HEMK2: variants seen among roughly 807,000 people sequenced by gnomAD.
HEMK2 encodes methyltransferase HEMK2.
At chr21:28,813,815 A>C in the HEMK2 span, among the ~76,000 whole-genome samples, 1 of 152,230 alleles carries the variant, frequency 6.6e-6, no homozygotes, top group Non-Finnish European at 1.5e-5. Context: ...TGACAAAAAC[A>C]AGCAATAGGA....
chr21:28,790,482 T>G, the HEMK2 span, among the ~76,000 whole-genome samples: 1 of 152,142 alleles, frequency 6.6e-6, no homozygotes, highest in Non-Finnish European at 1.5e-5. Context: ...TGGACATTGT[T>G]TGACTGTTTT....
chr21:28,737,907 G>A, the HEMK2 span, among the ~76,000 whole-genome samples: 1 of 152,298 alleles, frequency 6.6e-6, no homozygotes, highest in East Asian at 1.9e-4. Flanking sequence ...GATGACCTAC[G>A]AAGTAAAGAA....
chr21:28,782,809 C>A, the HEMK2 span, among the ~76,000 whole-genome samples: 1 of 152,158 alleles, frequency 6.6e-6, no homozygotes, highest in African/African-American at 2.4e-5. Flanking sequence ...TTGAATTGTA[C>A]ACTTTAAATT....
chr21:28,632,917 C>T, the HEMK2 span, among the ~76,000 whole-genome samples: 1 of 152,164 alleles, frequency 6.6e-6, no homozygotes, highest in Non-Finnish European at 1.5e-5. Flanking sequence ...GACAGGTTTT[C>T]TCCTGCTGCA....
the HEMK2 span, among the ~76,000 whole-genome samples, chr21:28,814,626 A>G: frequency 6.6e-6 from 1 of 152,204 alleles, no homozygotes; most frequent in Non-Finnish European, 1.5e-5. Flanking sequence ...AAACACATGA[A>G]AAAATGCTCA....
At chr21:28,830,876 TTAAAAAA>T in the HEMK2 span, among the ~76,000 whole-genome samples, 1 of 35,350 alleles carries the variant, frequency 2.8e-5, no homozygotes, top group African/African-American at 9.6e-5. Context: ...GACTCCATCT[TTAAAAAA>T]AAAAAAAAAA....
the HEMK2 span, among the ~76,000 whole-genome samples, chr21:28,656,140 G>C: frequency 6.6e-6 from 1 of 152,056 alleles, no homozygotes; most frequent in Non-Finnish European, 1.5e-5. Flanking sequence ...CAGCAATGAA[G>C]GTTTAGAAGA....
At chr21:28,852,838 G>C in the HEMK2 span, among the ~76,000 whole-genome samples, 22 of 152,284 alleles carry the variant, frequency 1.4e-4, no homozygotes, top group African/African-American at 5.3e-4. Context: ...GGAACACCAT[G>C]ATTAATTAGC....
chr21:28,585,519 C>T, the HEMK2 span, among the ~76,000 whole-genome samples: 1 of 151,346 alleles, frequency 6.6e-6, no homozygotes. Context: ...AAGATCAAAA[C>T]AAAACTACAA....
At chr21:28,793,038 T>C in the HEMK2 span, among the ~76,000 whole-genome samples, 1 of 152,244 alleles carries the variant, frequency 6.6e-6, no homozygotes, top group Non-Finnish European at 1.5e-5. Context: ...GAAGGTAACT[T>C]ATAATGCCTG....
At chr21:28,783,165 A>T in the HEMK2 span, among the ~76,000 whole-genome samples, 2 of 152,134 alleles carry the variant, frequency 1.3e-5, no homozygotes, top group South Asian at 4.1e-4. Flanking sequence ...TGTTTCTTAA[A>T]CACCTTATAC....
At chr21:28,611,057 G>A in the HEMK2 span, among the ~76,000 whole-genome samples, 3 of 152,126 alleles carry the variant, frequency 2.0e-5, no homozygotes, top group Admixed American at 2.0e-4. Context: ...GGACTTAACA[G>A]ATATTTACAG....
chr21:28,632,685 T>G, the HEMK2 span, among the ~76,000 whole-genome samples: 1 of 152,188 alleles, frequency 6.6e-6, no homozygotes, highest in Non-Finnish European at 1.5e-5. Context: ...ACTTTTGGCT[T>G]ACAGGGGAAA....
the HEMK2 span, among the ~76,000 whole-genome samples, chr21:28,738,178 T>C: frequency 6.6e-6 from 1 of 152,204 alleles, no homozygotes; most frequent in Non-Finnish European, 1.5e-5. Context: ...GAAGTAGCAA[T>C]GGACACTTTG....
chr21:28,734,998 C>T, the HEMK2 span, among the ~76,000 whole-genome samples: 1 of 152,164 alleles, frequency 6.6e-6, no homozygotes, highest in African/African-American at 2.4e-5. Flanking sequence ...TCAGGTGGCC[C>T]TGCTTCTGGA....
the HEMK2 span, among the ~76,000 whole-genome samples, chr21:28,771,518 A>ACCCCCCCCCCCCCCC: frequency 1.5e-4 from 16 of 105,622 alleles, no homozygotes; most frequent in Non-Finnish European, 2.6e-4. Context: ...AAGATGCACC[A>ACCCCCCCCCCCCCCC]CCCCCCCCCG....
chr21:28,796,845 C>T, the HEMK2 span, among the ~76,000 whole-genome samples: 12 of 152,338 alleles, frequency 7.9e-5, no homozygotes, highest in African/African-American at 1.2e-4. Context: ...GCTGGGATTA[C>T]GGACATGAAC....
the HEMK2 span, among the ~76,000 whole-genome samples, chr21:28,884,924 T>A: frequency 6.6e-6 from 1 of 152,180 alleles, no homozygotes; most frequent in African/African-American, 2.4e-5. Context: ...GGGACATGTG[T>A]TCTTCAGATT....
the HEMK2 span, among the ~76,000 whole-genome samples, chr21:28,600,673 C>G: frequency 3.0e-4 from 45 of 152,266 alleles, no homozygotes; most frequent in East Asian, 8.3e-3. Flanking sequence ...TTTTTCTTTT[C>G]TATCTCATTG....
Sources: gnomAD v4.1 joint callset for allele counts (sites outside exome capture counted in the v4.1 genomes callset) on GRCh38, gnomAD v4.1.1 for gene constraint, MANE v1.5 for transcripts, NCBI Gene and HGNC (gene_info 2026-07-23, HGNC 2026-07-21) for gene names.